SLC25A48: variants seen among roughly 807,000 people sequenced by gnomAD.
SLC25A48 encodes the protein CTC-321K16.1.
Under a neutral mutation model 32.2 loss-of-function variants are expected in SLC25A48, and 29 were observed. That is an observed-to-expected ratio of 0.90 (90% confidence interval 0.67 to 1.23). The LOEUF (loss-of-function observed/expected upper bound fraction) is 1.23, where lower values mean the gene tolerates loss of function less well. SLC25A48 is among the 50% of genes most tolerant of loss of function. The pLI, the probability that SLC25A48 is intolerant of heterozygous loss-of-function variation, is 0.00. For missense variants in SLC25A48, 399 were observed against 422.7 expected (o/e 0.94, Z 0.49); for synonymous variants, 164 against 172.3 (o/e 0.95, Z 0.38).
chr5:135,827,942 G>T (rs1461003603), intron 4 of SLC25A48, among the ~76,000 whole-genome samples: 4 of 152,214 alleles, frequency 2.6e-5, no homozygotes, highest in Non-Finnish European at 5.9e-5. Context: ...ACAAACTGGG[G>T]CCACTCTCTC....
chr5:135,795,333 C>T (rs1032639443), intron 3 of SLC25A48, among the ~76,000 whole-genome samples: 2 of 151,834 alleles, frequency 1.3e-5, no homozygotes, highest in African/African-American at 4.8e-5. Flanking sequence ...AAAGGGTTTA[C>T]ACCCCCCATG....
At chr5:135,744,791 C>T (rs889944617) in intron 3 of SLC25A48, among the ~76,000 whole-genome samples, 1 of 152,004 alleles carries the variant, frequency 6.6e-6, no homozygotes, top group Admixed American at 6.6e-5. Context: ...CACCTGTAAT[C>T]CCAGCTTTGG....
chr5:135,645,167 G>T (rs2126919939), intron 3 of SLC25A48, among the ~76,000 whole-genome samples: 1 of 152,304 alleles, frequency 6.6e-6, no homozygotes, highest in Non-Finnish European at 1.5e-5. Context: ...CTTGTGGACA[G>T]TTTTCCCTTT....
At chr5:135,726,654 T>G (rs1440203751) in intron 3 of SLC25A48, among the ~76,000 whole-genome samples, 1 of 152,238 alleles carries the variant, frequency 6.6e-6, no homozygotes, top group African/African-American at 2.4e-5. Context: ...AGTGTGTTCC[T>G]TTTTATTGCT....
chr5:135,617,612 T>A (rs575097448), intron 1 of SLC25A48, among the ~76,000 whole-genome samples: 1 of 152,164 alleles, frequency 6.6e-6, no homozygotes, highest in South Asian at 2.1e-4. Flanking sequence ...CTGTTAGCAC[T>A]GCTTTTGCTA....
chr5:135,593,852 A>G (rs1751583822), intron 1 of SLC25A48, among the ~76,000 whole-genome samples: 1 of 152,204 alleles, frequency 6.6e-6, no homozygotes, highest in South Asian at 2.1e-4. Flanking sequence ...TAATGGGGAC[A>G]TTATTGTTCT....
chr5:135,593,292 C>T (rs932165672), intron 1 of SLC25A48, among the ~76,000 whole-genome samples: 1 of 152,140 alleles, frequency 6.6e-6, no homozygotes, highest in Non-Finnish European at 1.5e-5. Flanking sequence ...CATGGCAGGG[C>T]CACAGGAAGA....
At chr5:135,846,234 G>A (rs1468682026) in intron 2 of SLC25A48, among the ~76,000 whole-genome samples, 6 of 152,154 alleles carry the variant, frequency 3.9e-5, no homozygotes, top group Non-Finnish European at 8.8e-5. Context: ...CTGGTCTTTG[G>A]AAAAATTGTC....
intron 3 of SLC25A48, among the ~76,000 whole-genome samples, chr5:135,809,649 A>G (rs1757550028): frequency 2.0e-5 from 3 of 151,872 alleles, no homozygotes; most frequent in Middle Eastern, 3.4e-3. Context: ...CTCTCCCCCA[A>G]CCTCTGGCCC....
chr5:135,741,192 A>G (rs1755495103), intron 3 of SLC25A48, among the ~76,000 whole-genome samples: 1 of 152,046 alleles, frequency 6.6e-6, no homozygotes, highest in Non-Finnish European at 1.5e-5. Context: ...TGGAGCTGGG[A>G]CCTGAGTTTG....
chr5:135,757,609 A>C (rs932543580), intron 3 of SLC25A48, among the ~76,000 whole-genome samples: 10 of 149,500 alleles, frequency 6.7e-5, no homozygotes, highest in Non-Finnish European at 4.5e-5. Flanking sequence ...TATCTTCTAG[A>C]TGATATTAAT....
intron 3 of SLC25A48, among the ~76,000 whole-genome samples, chr5:135,746,751 T>G (rs73789123): frequency 0.01 from 1,523 of 152,292 alleles, 34 homozygotes; most frequent in African/African-American, 0.034. Flanking sequence ...AGACAGTTTA[T>G]ATTCCAATTT....
intron 3 of SLC25A48, among the ~76,000 whole-genome samples, chr5:135,699,492 T>C (rs1464146086): frequency 6.6e-6 from 1 of 151,758 alleles, no homozygotes. Context: ...AAGCACAACT[T>C]GTCTACGATG....
intron 3 of SLC25A48, among the ~76,000 whole-genome samples, chr5:135,641,825 C>T (rs1752846105): frequency 6.6e-6 from 1 of 152,234 alleles, no homozygotes; most frequent in Non-Finnish European, 1.5e-5. Context: ...ACATCACCAT[C>T]ATCCCCTTCA....
At chr5:135,751,452 A>T (rs1274042356) in intron 3 of SLC25A48, among the ~76,000 whole-genome samples, 1 of 152,178 alleles carries the variant, frequency 6.6e-6, no homozygotes, top group Non-Finnish European at 1.5e-5. Flanking sequence ...CCTTTTGAAC[A>T]CAGAGGACAC....
At chr5:135,635,052 G>GTGGC (rs1375992329) in intron 3 of SLC25A48, 1 of 152,226 alleles carries the variant, frequency 6.6e-6, no homozygotes, top group Non-Finnish European at 1.5e-5. Context: ...CTTCTTCCCG[G>GTGGC]TGGCCCCCCA....
chr5:135,786,339 G>A (rs1226076890), intron 3 of SLC25A48, among the ~76,000 whole-genome samples: 1 of 152,056 alleles, frequency 6.6e-6, no homozygotes, highest in African/African-American at 2.4e-5. Flanking sequence ...CACCATGTGT[G>A]TACACCTTGT....
chr5:135,724,023 G>T (rs574320908), intron 3 of SLC25A48, among the ~76,000 whole-genome samples: 1 of 152,306 alleles, frequency 6.6e-6, no homozygotes, highest in East Asian at 1.9e-4. Flanking sequence ...TGTTTTCTAA[G>T]GAGGCTCAAG....
chr5:135,857,009 TG>T (rs1272191857), intron 4 of SLC25A48, among the ~76,000 whole-genome samples: 2 of 152,232 alleles, frequency 1.3e-5, no homozygotes, highest in Non-Finnish European at 2.9e-5. Flanking sequence ...CTTTACCACC[TG>T]GCACCTTGTC....
Sources: gnomAD v4.1 joint callset for allele counts (sites outside exome capture counted in the v4.1 genomes callset) on GRCh38, gnomAD v4.1.1 for gene constraint, MANE v1.5 for transcripts, NCBI Gene and HGNC (gene_info 2026-07-23, HGNC 2026-07-21) for gene names.